The following CDK13 variants were observed in gnomAD, a reference collection of about 807,000 sequenced individuals.
CDK13 encodes cyclin dependent kinase 13, also known as cyclin-dependent kinase 13.
Under a neutral mutation model 137.6 loss-of-function variants are expected in CDK13, and 40 were observed. That is an observed-to-expected ratio of 0.29 (90% CI 0.23 to 0.38). The LOEUF (loss-of-function observed/expected upper bound fraction) is 0.38, where lower values mean the gene tolerates loss of function less well. CDK13 is among the 10% of genes least tolerant of loss of function. CDK13 has a pLI of 1.00. For synonymous variants in CDK13, 869 were observed against 760.1 expected, an observed-to-expected ratio of 1.14 and a Z score of -2.36; for missense variants, 1,704 against 1,951.8, an observed-to-expected ratio of 0.87 and a Z score of 2.39.
At chr7:40,022,545 CCAAACATTGTTCT>C (rs577708702) in intron 5 of CDK13, among the ~76,000 whole-genome samples, 130 of 152,144 alleles carry the variant, frequency 8.5e-4, no homozygotes, top group African/African-American at 2.9e-3. Flanking sequence ...CAATTATATA[CCAAACATTGTTCT>C]AGGTGTTTGG....
intron 1 of CDK13, among the ~76,000 whole-genome samples, chr7:39,972,783 A>G (rs761407430): frequency 2.6e-5 from 4 of 152,124 alleles, no homozygotes; most frequent in Non-Finnish European, 2.9e-5. Context: ...AAGTTTTTGC[A>G]TGAGCATTTG....
chr7:40,058,819 T>C (rs1403617415), intron 7 of CDK13, among the ~76,000 whole-genome samples: 1 of 152,148 alleles, frequency 6.6e-6, no homozygotes, highest in Non-Finnish European at 1.5e-5. Flanking sequence ...TTTGTAGGTT[T>C]GATAGATTTT....
At chr7:40,073,879 C>T (rs187718376) in intron 9 of CDK13, among the ~76,000 whole-genome samples, 96 of 150,244 alleles carry the variant, frequency 6.4e-4, no homozygotes, top group Admixed American at 9.3e-4. Flanking sequence ...CGTGAGCAAC[C>T]GTGCCTGGCC....
intron 1 of CDK13, among the ~76,000 whole-genome samples, chr7:39,958,025 A>G (rs1370454834): frequency 6.6e-6 from 1 of 152,232 alleles, no homozygotes; most frequent in African/African-American, 2.4e-5. Context: ...TAAAATCAGA[A>G]GCATTACTTG....
chr7:40,085,088 C>T (rs562605673), intron 11 of CDK13, among the ~76,000 whole-genome samples: 8 of 152,220 alleles, frequency 5.3e-5, no homozygotes, highest in African/African-American at 1.4e-4. Context: ...GGGCCAGGTA[C>T]GGTAGCTCAT....
chr7:39,996,974 A>AAAAAAAAAAAAC (rs1784575160), intron 2 of CDK13, among the ~76,000 whole-genome samples: 1 of 141,104 alleles, frequency 7.1e-6, no homozygotes, highest in African/African-American at 2.7e-5. Context: ...AAAAAAAAAA[A>AAAAAAAAAAAAC]AAGAAAAAAA....
intron 7 of CDK13, 156 bp from the exon 8 acceptor site, chr7:40,062,665 CTTATA>C (rs1295205210): frequency 6.2e-6 from 4 of 649,454 alleles, no homozygotes; most frequent in African/African-American, 1.8e-5. Context: ...ATTTTATGAT[CTTATA>C]TTAGATACCT....
chr7:40,083,549 T>C (rs898366175), intron 11 of CDK13, among the ~76,000 whole-genome samples: 82 of 152,314 alleles, frequency 5.4e-4, no homozygotes, highest in Admixed American at 2.0e-4. Flanking sequence ...CTTAATTATG[T>C]TTTTTAAGTA....
In CDK13 at chr7:39,979,020, A is replaced by G. The variant is rs79155400; in HGVS notation, c.1212-8579A>G. Among the ~76,000 whole-genome samples, 82 of 152,228 alleles carry G rather than the reference A, an allele frequency of 5.4e-4. No individual in the cohort carries two copies. In the East Asian group the frequency reaches 0.015, roughly 27 times the overall value. The stretch of plus-strand genomic sequence containing the variant: ...ATGCTATGAGAAGACTAGGAATGGG[A>G]TTGTGTGAGCTTGATGAAAGTTGTG... On this transcript the variant is annotated intron_variant, in intron 1 of 13. Coordinates refer to ENST00000181839, the MANE Select transcript of CDK13 (RefSeq NM_003718.5).
chr7:40,078,949 G>T (rs967730610), intron 11 of CDK13, 98 bp downstream of exon 11: 1 of 381,814 alleles, frequency 2.6e-6, no homozygotes, highest in Non-Finnish European at 3.9e-6. Context: ...TTTCATGTCT[G>T]GTTATGAGAA....
chr7:40,042,361 G>A (rs1785626489), intron 5 of CDK13, among the ~76,000 whole-genome samples: 1 of 150,896 alleles, frequency 6.6e-6, no homozygotes, highest in South Asian at 2.1e-4. Context: ...GATAACAGTC[G>A]TGAGCCACCA....
intron 5 of CDK13, among the ~76,000 whole-genome samples, chr7:40,044,367 G>A (rs1048956193): frequency 1.1e-4 from 16 of 151,082 alleles, no homozygotes; most frequent in African/African-American, 3.9e-4. Flanking sequence ...TGCCCAGGCT[G>A]GAGTACAGTG....
At chr7:40,062,427 G>A (rs1267260) in intron 7 of CDK13, 103,953 of 161,256 alleles carry the variant, frequency 0.64, 34,831 homozygotes, top group African/African-American at 0.84. Flanking sequence ...CTGGGGCTAT[G>A]GGCACCCGTC....
chr7:40,068,431 C>T (rs1786331515), intron 9 of CDK13, among the ~76,000 whole-genome samples: 2 of 151,846 alleles, frequency 1.3e-5, no homozygotes, highest in South Asian at 2.1e-4. Context: ...CACAATGGCT[C>T]ACGCCTCTAG....
chr7:40,003,571 G>C (rs1035551332), intron 5 of CDK13, among the ~76,000 whole-genome samples: 1 of 152,078 alleles, frequency 6.6e-6, no homozygotes, highest in Non-Finnish European at 1.5e-5. Flanking sequence ...ATCCATAAAA[G>C]GGAAACATTG....
chr7:40,017,895 C>T (rs1472741253), intron 5 of CDK13, among the ~76,000 whole-genome samples: 1 of 150,660 alleles, frequency 6.6e-6, no homozygotes, highest in Admixed American at 6.6e-5. Flanking sequence ...AGTGTTCTGC[C>T]ATCTTTAGCC....
chr7:39,966,491 A>G (rs976821432), intron 1 of CDK13, among the ~76,000 whole-genome samples: 2 of 151,964 alleles, frequency 1.3e-5, no homozygotes, highest in African/African-American at 4.8e-5. Flanking sequence ...TGCGTTGGTT[A>G]TTCTAGTTAG....
chr7:40,001,585 A>G (rs1314956906), intron 4 of CDK13, among the ~76,000 whole-genome samples: 3 of 152,168 alleles, frequency 2.0e-5, no homozygotes, highest in African/African-American at 7.2e-5. Flanking sequence ...TTCACTAAAT[A>G]TATAAATGGG....
chr7:40,032,982 G>C (rs901019456), intron 5 of CDK13, among the ~76,000 whole-genome samples: 4 of 152,208 alleles, frequency 2.6e-5, no homozygotes, highest in African/African-American at 9.7e-5. Flanking sequence ...AGTTGGGAAA[G>C]AACTGACGTC....
Sources: gnomAD v4.1 joint callset for allele counts (sites outside exome capture counted in the v4.1 genomes callset) on GRCh38, gnomAD v4.1.1 for gene constraint, MANE v1.5 for transcripts, NCBI Gene and HGNC (gene_info 2026-07-23, HGNC 2026-07-21) for gene names.